The following CMSS1 variants were observed in gnomAD, a reference collection of about 807,000 sequenced individuals.
CMSS1 encodes the protein protein CMSS1.
Under a neutral mutation model 43.5 loss-of-function variants are expected in CMSS1, and 33 were observed. That is an observed-to-expected ratio of 0.76 (90% CI 0.57 to 1.01). The LOEUF is 1.01. Ranked by LOEUF, CMSS1 falls within the 50% of genes least tolerant of loss-of-function variation. The probability of loss-of-function intolerance (pLI) is 0.00; values close to 1 mark genes in which losing one functional copy is unlikely to be tolerated. For synonymous variants in CMSS1, 115 were observed against 117.2 expected (o/e 0.98, Z 0.12); for missense variants, 313 against 326.4 (o/e 0.96, Z 0.32).
chr3:99,901,218 C>T (rs1013877167), intron 1 of CMSS1, among the ~76,000 whole-genome samples: 1 of 152,144 alleles, frequency 6.6e-6, no homozygotes, highest in African/African-American at 2.4e-5. Context: ...AACAAAATGG[C>T]TACACGTTGA....
rs781574630 is a variant in CMSS1 at position 100,160,478 on chromosome 3, A to C, written c.202A>C (p.Thr68Pro). 11 of 1,513,688 alleles carry C rather than the reference A, an allele frequency of 7.3e-6. No individual in the cohort carries two copies. The highest frequency in any genetic ancestry group is 8.2e-6 in the Non-Finnish European group (9 of 1,093,094). The allele number at this position is 1,513,688 out of a possible 1,614,324, so 93.8% of individuals were successfully genotyped here. Residue 68 changes from threonine to proline, a missense_variant, in exon 3 of 10, where the codon ACC (threonine) becomes CCC (proline). Coordinates refer to ENST00000421999, the MANE Select transcript of CMSS1 (RefSeq NM_032359.4). ...ACCAAAGGAAAGAAAAGAGAATACC[A>C]CCAAGACCAGGAAAAGAAGAAAGGT... ...IQPKERKENT[T>P]KTRKRRKKKI... is the part of the protein sequence containing the mutation.
intron 1 of CMSS1, among the ~76,000 whole-genome samples, chr3:100,084,656 A>G (rs1307152420): frequency 6.6e-6 from 1 of 152,254 alleles, no homozygotes; most frequent in African/African-American, 2.4e-5. Flanking sequence ...CCGTAAAGCC[A>G]TAAGTTAGAG....
At chr3:99,875,410 TGTAA>T (rs1236988997) in intron 1 of CMSS1, among the ~76,000 whole-genome samples, 2 of 152,240 alleles carry the variant, frequency 1.3e-5, no homozygotes, top group East Asian at 1.9e-4. Context: ...AAATGATAGC[TGTAA>T]GTGAGGTTTG....
At chr3:100,163,369 T>G (rs191051577) in intron 4 of CMSS1, among the ~76,000 whole-genome samples, 17 of 152,340 alleles carry the variant, frequency 1.1e-4, no homozygotes, top group African/African-American at 3.8e-4. Context: ...CCAGACTCTT[T>G]CAAGCAAACT....
intron 1 of CMSS1, among the ~76,000 whole-genome samples, chr3:99,857,790 C>T (rs1005893385): frequency 7.9e-5 from 12 of 152,208 alleles, no homozygotes; most frequent in African/African-American, 2.9e-4. Flanking sequence ...AGCTTAGCTT[C>T]TCATCTGTCT....
At chr3:99,835,825 A>T (rs978654835) in intron 1 of CMSS1, among the ~76,000 whole-genome samples, 1 of 152,218 alleles carries the variant, frequency 6.6e-6, no homozygotes. Context: ...GGAAAACTAA[A>T]AAGTAAGGAA....
intron 1 of CMSS1, among the ~76,000 whole-genome samples, chr3:99,963,912 A>C (rs1708567882): frequency 6.6e-6 from 1 of 152,132 alleles, no homozygotes; most frequent in Non-Finnish European, 1.5e-5. Flanking sequence ...CACCGCGCCC[A>C]GCCACATCCA....
intron 1 of CMSS1, among the ~76,000 whole-genome samples, chr3:99,991,698 T>A (rs1252407641): frequency 6.6e-6 from 1 of 151,968 alleles, no homozygotes; most frequent in African/African-American, 2.4e-5. Context: ...GGTGAGAACA[T>A]GCTGTATTTG....
intron 1 of CMSS1, among the ~76,000 whole-genome samples, chr3:99,909,764 C>T (rs1576565832): frequency 6.6e-6 from 1 of 152,180 alleles, no homozygotes; most frequent in Non-Finnish European, 1.5e-5. Flanking sequence ...TAGATAACCT[C>T]AGTGTATATT....
rs897728278 is a variant in CMSS1 at position 99,957,718 on chromosome 3, T to C, written c.64+139675T>C. Among the ~76,000 whole-genome samples the C allele has an allele frequency of 3.6e-5, 5 of 140,136 alleles. No homozygotes were observed. In the East Asian group the frequency reaches 1.1e-3, roughly 30 times the overall value. 91.9% of individuals were successfully genotyped at this position (140,136 alleles called of 152,430 possible). ...CTTTTTTTTTTTTTTTTTTTTTTTT[T>C]TTTGGTGTGTGTGTTTGTTTGGAAC... On this transcript the variant is annotated intron_variant, in intron 1 of 9. Coordinates refer to ENST00000421999, the MANE Select transcript of CMSS1 (RefSeq NM_032359.4).
At chr3:100,112,463 C>T (rs1325073912) in intron 1 of CMSS1, among the ~76,000 whole-genome samples, 1 of 152,126 alleles carries the variant, frequency 6.6e-6, no homozygotes, top group Non-Finnish European at 1.5e-5. Context: ...TTTCCAGTGC[C>T]AGCGCCACTA....
Position 99,960,272 on chromosome 3 carries a change from T to C in CMSS1, c.64+142229T>C, listed in dbSNP as rs1708452658. ...ACACACCTAGTTTTTGTTATTCCTC[T>C]CAACAACACTATGAGGTAGGTTTTA... On this transcript the variant is annotated intron_variant, in intron 1 of 9. Transcript: ENST00000421999. 2.0e-5 allele frequency among the ~76,000 whole-genome samples: 3 copies of C among 152,112 alleles called. No individual in the cohort carries two copies. The South Asian group carries it at 6.2e-4, about 32-fold the overall frequency.
intron 1 of CMSS1, among the ~76,000 whole-genome samples, chr3:99,912,216 ATTATT>A (rs1404413764): frequency 1.3e-5 from 2 of 152,196 alleles, no homozygotes; most frequent in African/African-American, 4.8e-5. Context: ...CCCTGAAAAC[ATTATT>A]TTAAGTGAAA....
At chr3:100,143,986 T>C (rs550023936) in intron 1 of CMSS1, among the ~76,000 whole-genome samples, 1 of 152,338 alleles carries the variant, frequency 6.6e-6, no homozygotes, top group East Asian at 1.9e-4. Context: ...TAACAGCATA[T>C]AGTTCGGTCA....
At chr3:99,877,936 C>A (rs556827341) in intron 1 of CMSS1, among the ~76,000 whole-genome samples, 1 of 152,300 alleles carries the variant, frequency 6.6e-6, no homozygotes, top group South Asian at 2.1e-4. Flanking sequence ...ACATTTAACA[C>A]TACCATTTGT....
intron 1 of CMSS1, among the ~76,000 whole-genome samples, chr3:100,035,375 G>A (rs1264297503): frequency 2.6e-5 from 4 of 152,168 alleles, no homozygotes; most frequent in Non-Finnish European, 5.9e-5. Context: ...CTGGGTTCAA[G>A]CAATTCTCCT....
At chr3:100,038,376 A>G (rs1356472032) in intron 1 of CMSS1, among the ~76,000 whole-genome samples, 1 of 152,234 alleles carries the variant, frequency 6.6e-6, no homozygotes, top group African/African-American at 2.4e-5. Context: ...AGATAGAAAA[A>G]TAAGATATTG....
At chr3:100,039,492 T>C (rs977817019) in intron 1 of CMSS1, among the ~76,000 whole-genome samples, 3 of 152,104 alleles carry the variant, frequency 2.0e-5, no homozygotes, top group Non-Finnish European at 4.4e-5. Flanking sequence ...AACAGTAAAA[T>C]TTATTTCAAA....
intron 1 of CMSS1, among the ~76,000 whole-genome samples, chr3:99,879,844 T>C (rs1705661991): frequency 6.6e-6 from 1 of 152,168 alleles, no homozygotes; most frequent in African/African-American, 2.4e-5. Flanking sequence ...TGGTCCTGTA[T>C]AAGAAGCTGA....
Sources: gnomAD v4.1 joint callset for allele counts (sites outside exome capture counted in the v4.1 genomes callset) on GRCh38, gnomAD v4.1.1 for gene constraint, MANE v1.5 for transcripts, NCBI Gene and HGNC (gene_info 2026-07-23, HGNC 2026-07-21) for gene names.